Variants in FNDC1 observed in about 807,000 individuals in gnomAD.
FNDC1 encodes fibronectin type III domain-containing protein 1.
FNDC1 carries 96 observed loss-of-function variants against 168.0 expected under a neutral mutation model. The ratio of observed to expected loss-of-function variants is 0.57; its 90% CI spans 0.48 to 0.68. FNDC1 has a LOEUF of 0.68. Ranked by LOEUF, FNDC1 falls within the 30% of genes least tolerant of loss-of-function variation. FNDC1 has a pLI of 0.00. For synonymous variants in FNDC1, 1,099 were observed against 1,025.9 expected (o/e 1.07, Z -1.36); for missense variants, 2,587 against 2,482.1 (o/e 1.04, Z -0.90).
intron 1 of FNDC1, among the ~76,000 whole-genome samples, chr6:159,194,848 A>T (rs745512134): frequency 2.0e-5 from 3 of 151,996 alleles, no homozygotes; most frequent in Non-Finnish European, 2.9e-5. Context: ...GATGGGCAGG[A>T]TTGCTTTTTA....
intron 1 of FNDC1, among the ~76,000 whole-genome samples, chr6:159,190,854 G>A (rs1782122225): frequency 1.3e-5 from 2 of 152,184 alleles, no homozygotes; most frequent in Non-Finnish European, 2.9e-5. Flanking sequence ...AAATATATAG[G>A]CCCTTTTATT....
At chr6:159,199,077 C>T (rs1421322758) in intron 2 of FNDC1, among the ~76,000 whole-genome samples, 1 of 152,216 alleles carries the variant, frequency 6.6e-6, no homozygotes, top group Non-Finnish European at 1.5e-5. Context: ...GTCATTATGA[C>T]CTTTGACAGA....
intron 1 of FNDC1, among the ~76,000 whole-genome samples, chr6:159,171,019 C>T (rs1781645169): frequency 6.6e-6 from 1 of 152,144 alleles, no homozygotes; most frequent in Non-Finnish European, 1.5e-5. Flanking sequence ...ACCAGTGCTG[C>T]CCTGGCTTTG....
At chr6:159,195,489 T>A (rs1233200191) in intron 1 of FNDC1, among the ~76,000 whole-genome samples, 1 of 152,090 alleles carries the variant, frequency 6.6e-6, no homozygotes, top group African/African-American at 2.4e-5. Context: ...GTGGATATGG[T>A]CATCGATCAT....
chr6:159,181,562 G>A (rs1781879389), intron 1 of FNDC1, among the ~76,000 whole-genome samples: 2 of 152,184 alleles, frequency 1.3e-5, no homozygotes, highest in Non-Finnish European at 2.9e-5. Flanking sequence ...TAGCAATATA[G>A]GATCATCTTG....
chr6:159,256,496 T>C lies in FNDC1; in HGVS notation c.5066-27T>C, dbSNP rs114263574. ...GTGTGACTTGGTTCCTTGGTGTCCA[T>C]TGGGTTTTTCCTGTTTCCATTTTCA... On this transcript the variant is annotated intron_variant, in intron 17 of 22. Transcript: ENST00000297267. The C allele has an allele frequency of 2.1e-5, 32 of 1,545,788 alleles. No homozygotes were observed. The African/African-American group carries it at 4.1e-4, about 20-fold the overall frequency.
intron 4 of FNDC1, among the ~76,000 whole-genome samples, chr6:159,214,525 A>C (rs1782670680): frequency 6.6e-6 from 1 of 152,258 alleles, no homozygotes; most frequent in Admixed American, 6.5e-5. Context: ...TCAACATTAC[A>C]GTGAAAAAGC....
intron 22 of FNDC1, among the ~76,000 whole-genome samples, chr6:159,268,405 T>C (rs1777635495): frequency 6.6e-6 from 1 of 152,202 alleles, no homozygotes; most frequent in Admixed American, 6.5e-5. Context: ...ATGTTCTGAT[T>C]TGCTAAATTT....
At chr6:159,248,984 A>G (rs1777195566) in intron 15 of FNDC1, 55 bp from the exon 16 acceptor site, 1 of 1,534,322 alleles carries the variant, frequency 6.5e-7, no homozygotes, top group Non-Finnish European at 8.8e-7. Context: ...ATTTGACTAT[A>G]GACAGTGCTC....
At chr6:159,264,629 T>C (rs1777554308) in intron 19 of FNDC1, among the ~76,000 whole-genome samples, 1 of 152,236 alleles carries the variant, frequency 6.6e-6, no homozygotes, top group Admixed American at 6.5e-5. Context: ...ATGGATTTTG[T>C]AGTAGGTGTA....
At chr6:159,200,442 T>G in intron 3 of FNDC1, 71 bp from the exon 4 acceptor site, 1 of 1,105,522 alleles carries the variant, frequency 9.0e-7, no homozygotes. Context: ...TTATACATTA[T>G]GGATGCACTG....
chr6:159,238,585 A>G lies in FNDC1; in HGVS notation c.4100A>G (p.Asn1367Ser). The change falls in exon 13 of 23, where the codon AAT (asparagine) becomes AGT (serine). Residue 1367 changes from asparagine (N) to serine (S), a missense_variant. By Grantham distance (46) the Asn-to-Ser change is conservative (BLOSUM62 1). Transcript: ENST00000297267. ...GACCTTGATCGTGGGTTAGTATTGA[A>G]TGCAGAAGGAAGGTACCTCCAAGAT... ...VVDLDRGLVL[N>S]AEGRYLQDSH... 1.2e-6 allele frequency: 2 copies of G among 1,611,904 alleles called. No homozygotes were observed. The highest frequency in any genetic ancestry group is 1.7e-6 in the Non-Finnish European group (2 of 1,179,158).
intron 4 of FNDC1, among the ~76,000 whole-genome samples, chr6:159,210,052 G>T (rs907157527): frequency 2.0e-5 from 3 of 152,212 alleles, no homozygotes; most frequent in Non-Finnish European, 4.4e-5. Context: ...TGGTGCTGAC[G>T]CCCTCTGAAG....
In FNDC1 at chr6:159,226,499, A is replaced by C; in HGVS notation, c.1099A>C (p.Asn367His). 6.2e-7 allele frequency: 1 copy of C among 1,612,506 alleles called. No homozygotes were observed. The highest frequency in any genetic ancestry group is 8.5e-7 in the Non-Finnish European group (1 of 1,179,350). ...CCCTACCACAGCTCCTGAAAACTTG[A>C]ACGTCTGGCCAGTCAATGGCAAACC... is the stretch of plus-strand genomic sequence containing the variant. The part of the protein sequence containing the change: ...SAPTTAPENL[N>H]VWPVNGKPTV... The change falls in exon 9 of 23, where the codon AAC becomes CAC. Residue 367 changes from asparagine to histidine, a missense_variant. By Grantham distance (68) the Asn-to-His change is moderately conservative. Transcript: ENST00000297267.
chr6:159,237,934 T>C (rs1783301579), intron 12 of FNDC1, among the ~76,000 whole-genome samples: 1 of 152,238 alleles, frequency 6.6e-6, no homozygotes, highest in Admixed American at 6.5e-5. Context: ...TTATTTAATC[T>C]CTTCCCTCAA....
intron 4 of FNDC1, among the ~76,000 whole-genome samples, chr6:159,212,619 G>T (rs1562639183): frequency 6.6e-6 from 1 of 152,164 alleles, no homozygotes; most frequent in Admixed American, 6.5e-5. Context: ...CTTCACTCTG[G>T]TTATTACCGA....
chr6:159,190,251 G>A (rs1385227357), intron 1 of FNDC1, among the ~76,000 whole-genome samples: 1 of 152,228 alleles, frequency 6.6e-6, no homozygotes, highest in African/African-American at 2.4e-5. Context: ...TCCAAGGAGA[G>A]GAACTGTGGT....
chr6:159,190,862 A>G (rs1782122466), intron 1 of FNDC1, among the ~76,000 whole-genome samples: 1 of 152,146 alleles, frequency 6.6e-6, no homozygotes, highest in Non-Finnish European at 1.5e-5. Context: ...AGGCCCTTTT[A>G]TTGCTTGGCC....
At chr6:159,221,796 T>C in intron 6 of FNDC1, 100 bp downstream of exon 6, 2 of 983,508 alleles carry the variant, frequency 2.0e-6, no homozygotes, top group East Asian at 5.1e-5. Context: ...ATGAATTTTA[T>C]TGAGGCTAAA....
Sources: allele counts gnomAD v4.1 joint callset (sites outside exome capture counted in the v4.1 genomes callset), GRCh38; gene constraint gnomAD v4.1.1; transcripts MANE v1.5; gene names NCBI Gene and HGNC (gene_info 2026-07-23, HGNC 2026-07-21).